Variants in STARD13 observed in about 807,000 individuals in gnomAD.
STARD13 encodes StAR related lipid transfer domain containing 13.
In STARD13, 62 loss-of-function variants were observed where a neutral mutation model predicts 106.4. That is an observed-to-expected ratio of 0.58 (90% confidence interval 0.48 to 0.72). The LOEUF is 0.72. Among genes scored for constraint, STARD13 ranks in the 30% least tolerant of loss-of-function variants. The pLI is 0.00. For missense variants in STARD13, 1,387 were observed against 1,424.0 expected, an observed-to-expected ratio of 0.97 and a Z score of 0.42; for synonymous variants, 565 against 553.0, an observed-to-expected ratio of 1.02 and a Z score of -0.31.
At chr13:33,107,815 A>G (rs1276557136) in intron 12 of STARD13, among the ~76,000 whole-genome samples, 3 of 152,092 alleles carry the variant, frequency 2.0e-5, no homozygotes, top group African/African-American at 7.2e-5. Context: ...ACATCTCTGT[A>G]ACAACCTCTA....
intron 1 of STARD13, among the ~76,000 whole-genome samples, chr13:33,295,133 C>T (rs1046973588): frequency 1.3e-5 from 2 of 152,148 alleles, no homozygotes; most frequent in African/African-American, 4.8e-5. Context: ...TTGGATAAAT[C>T]CAGCCCAGTA....
chr13:33,153,643 CCTT>C lies in STARD13; in HGVS notation c.324-11273_324-11271del, dbSNP rs573956601. Reference sequence around the variant, plus strand: ...GTATAGGAAAACAATAGGACTCTCTCCTTCTTTGTAGTTTAGATTCCCATTTGA... The same window carrying C: ...GTATAGGAAAACAATAGGACTCTCTCCTTTGTAGTTTAGATTCCCATTTGA... On this transcript the variant is annotated intron_variant, in intron 3 of 13. Coordinates refer to ENST00000336934, the MANE Select transcript of STARD13 (RefSeq NM_178006.4). 6.6e-4 allele frequency among the ~76,000 whole-genome samples: 100 copies of C among 152,320 alleles called. 1 individual carries two copies. The highest frequency in any genetic ancestry group is 2.2e-3 in the African/African-American group (92 of 41,576).
chr13:33,289,566 A>G (rs1488470691), upstream of STARD13, among the ~76,000 whole-genome samples: 1 of 152,112 alleles, frequency 6.6e-6, no homozygotes, highest in Non-Finnish European at 1.5e-5. Context: ...ATTACACAGG[A>G]GAGACAGGGA....
chr13:33,589,088 A>C, the STARD13 span, among the ~76,000 whole-genome samples: 4,257 of 152,260 alleles, frequency 0.028, 82 homozygotes, highest in Non-Finnish European at 0.042. Flanking sequence ...CATCATATAA[A>C]GAATTTATAG....
chr13:33,241,350 A>G (rs1243965045), intron 1 of STARD13, among the ~76,000 whole-genome samples: 6 of 152,196 alleles, frequency 3.9e-5, no homozygotes. Flanking sequence ...GGTATTCAAC[A>G]CAATAGAATA....
intron 1 of STARD13, among the ~76,000 whole-genome samples, chr13:33,242,101 C>T (rs918835502): frequency 6.6e-6 from 1 of 152,046 alleles, no homozygotes; most frequent in Non-Finnish European, 1.5e-5. Context: ...TGAGGAGTGT[C>T]TCTGCCCCGC....
intron 1 of STARD13, among the ~76,000 whole-genome samples, chr13:33,281,754 T>C (rs1246740851): frequency 6.6e-6 from 1 of 152,198 alleles, no homozygotes; most frequent in Non-Finnish European, 1.5e-5. Context: ...ATTTCACTTA[T>C]ATGAGGTACT....
At chr13:33,243,544 A>AT (rs1006482132) in intron 1 of STARD13, among the ~76,000 whole-genome samples, 15 of 151,758 alleles carry the variant, frequency 9.9e-5, no homozygotes, top group Admixed American at 6.6e-4. Context: ...TATGGAATTA[A>AT]TTTTTTTTTC....
At chr13:33,297,864 A>C (rs1191541513) in intron 1 of STARD13, among the ~76,000 whole-genome samples, 2 of 152,226 alleles carry the variant, frequency 1.3e-5, no homozygotes, top group Non-Finnish European at 2.9e-5. Flanking sequence ...AAATCTGCAC[A>C]ACAATGACAG....
At chr13:33,514,545 C>G in the STARD13 span, among the ~76,000 whole-genome samples, 1 of 152,072 alleles carries the variant, frequency 6.6e-6, no homozygotes, top group Non-Finnish European at 1.5e-5. Context: ...TCCTTAAAGA[C>G]TCTGTTGAGG....
chr13:33,442,498 G>A, the STARD13 span, among the ~76,000 whole-genome samples: 1 of 152,152 alleles, frequency 6.6e-6, no homozygotes, highest in African/African-American at 2.4e-5. Flanking sequence ...TGTCCTAAAT[G>A]TAGAATATTT....
At chr13:33,215,144 G>T in intron 1 of STARD13, among the ~76,000 whole-genome samples, 1 of 144,588 alleles carries the variant, frequency 6.9e-6, no homozygotes, top group Non-Finnish European at 1.5e-5. Context: ...GGGGAAATAA[G>T]CACCTCTCAC....
the STARD13 span, among the ~76,000 whole-genome samples, chr13:33,461,067 T>A: frequency 6.6e-6 from 1 of 152,190 alleles, no homozygotes; most frequent in African/African-American, 2.4e-5. Flanking sequence ...AGGTGGTCTG[T>A]GGTTGCCTGG....
At chr13:33,642,837 CATTAA>C in the STARD13 span, among the ~76,000 whole-genome samples, 1 of 122,210 alleles carries the variant, frequency 8.2e-6, no homozygotes, top group African/African-American at 3.5e-5. Flanking sequence ...AACAAACAAA[CATTAA>C]AAAAAAAAAA....
chr13:33,380,481 C>A, the STARD13 span, among the ~76,000 whole-genome samples: 3 of 129,480 alleles, frequency 2.3e-5, no homozygotes, highest in Non-Finnish European at 1.6e-5. Context: ...ACCCCCCACC[C>A]CCCCCACACA....
At chr13:33,350,562 G>A in exon 1 of STARD13, 1 of 1,399,632 alleles carries the variant, frequency 7.1e-7, no homozygotes, top group Non-Finnish European at 9.3e-7. Context: ...GGTCGGTCCG[G>A]CGCTGGGAGG....
the STARD13 span, among the ~76,000 whole-genome samples, chr13:33,542,288 C>G: frequency 4.1e-4 from 62 of 152,304 alleles, no homozygotes; most frequent in African/African-American, 1.4e-3. Flanking sequence ...CATCTTAGCA[C>G]TGAGACCGCA....
At chr13:33,527,493 A>C in the STARD13 span, among the ~76,000 whole-genome samples, 1 of 152,098 alleles carries the variant, frequency 6.6e-6, no homozygotes, top group Non-Finnish European at 1.5e-5. Context: ...ACCAATAATA[A>C]AGTTCTCCTC....
the STARD13 span, among the ~76,000 whole-genome samples, chr13:33,551,701 T>A: frequency 6.8e-6 from 1 of 147,720 alleles, no homozygotes; most frequent in East Asian, 2.1e-4. Flanking sequence ...TGGATTCAAG[T>A]GATTCTCCTG....
Sources: allele counts gnomAD v4.1 joint callset (sites outside exome capture counted in the v4.1 genomes callset), GRCh38; gene constraint gnomAD v4.1.1; transcripts MANE v1.5; gene names NCBI Gene and HGNC (gene_info 2026-07-23, HGNC 2026-07-21).